ZBTB38: variants seen among roughly 807,000 people sequenced by gnomAD.
ZBTB38 encodes the protein zinc finger and BTB domain-containing protein 38.
In ZBTB38, 20 loss-of-function variants were observed where a neutral mutation model predicts 76.8. That is an observed-to-expected ratio of 0.26 (90% CI 0.18 to 0.38). ZBTB38 has a LOEUF of 0.38. ZBTB38 is among the 10% of genes least tolerant of loss of function. The pLI, the probability that ZBTB38 is intolerant of heterozygous loss-of-function variation, is 1.00. For synonymous variants in ZBTB38, 504 were observed against 544.2 expected (o/e 0.93, Z 1.03); for missense variants, 1,082 against 1,482.3 (o/e 0.73, Z 4.43).
chr3:141,326,547 T>G (rs538317893), intron 1 of ZBTB38, among the ~76,000 whole-genome samples: 2 of 152,348 alleles, frequency 1.3e-5, no homozygotes, highest in Admixed American at 1.3e-4. Flanking sequence ...GTACTATGTT[T>G]CCTAACTCAC....
chr3:141,344,089 C>T (rs1943271427), intron 1 of ZBTB38, among the ~76,000 whole-genome samples: 1 of 152,198 alleles, frequency 6.6e-6, no homozygotes, highest in Non-Finnish European at 1.5e-5. Context: ...GACAGGAGAC[C>T]TCCAACTGTG....
intron 1 of ZBTB38, among the ~76,000 whole-genome samples, chr3:141,339,563 T>C (rs768366543): frequency 7.2e-5 from 11 of 152,172 alleles, no homozygotes; most frequent in Non-Finnish European, 1.3e-4. Context: ...AATTTGTGTG[T>C]GTTTCGAAGG....
chr3:141,356,567 A>ACATCT (rs2148947527), intron 1 of ZBTB38, among the ~76,000 whole-genome samples: 1 of 152,252 alleles, frequency 6.6e-6, no homozygotes, highest in South Asian at 2.1e-4. Flanking sequence ...CAGGGAAACA[A>ACATCT]AACACATTGA....
chr3:141,328,785 C>T (rs992227764), intron 1 of ZBTB38, among the ~76,000 whole-genome samples: 1 of 152,156 alleles, frequency 6.6e-6, no homozygotes, highest in Non-Finnish European at 1.5e-5. Flanking sequence ...CCCTTCTTTC[C>T]CCTCTTGTCA....
chr3:141,355,134 A>G (rs1943623403), intron 1 of ZBTB38, among the ~76,000 whole-genome samples: 1 of 152,120 alleles, frequency 6.6e-6, no homozygotes, highest in Admixed American at 6.6e-5. Context: ...CTCTCCTCAA[A>G]GTACAAGCAC....
chr3:141,409,546 A>C (rs542180640), intron 5 of ZBTB38, among the ~76,000 whole-genome samples: 1 of 152,338 alleles, frequency 6.6e-6, no homozygotes, highest in African/African-American at 2.4e-5. Flanking sequence ...AATGGAGCAG[A>C]GATAATGTGC....
intron 5 of ZBTB38, among the ~76,000 whole-genome samples, chr3:141,411,348 A>G (rs1003653822): frequency 1.1e-4 from 17 of 152,320 alleles, no homozygotes; most frequent in East Asian, 3.9e-4. Flanking sequence ...TCCCTGCTTA[A>G]ACCTATTTAG....
At chr3:141,416,670 C>A (rs1232330982) in intron 5 of ZBTB38, among the ~76,000 whole-genome samples, 1 of 152,186 alleles carries the variant, frequency 6.6e-6, no homozygotes. Context: ...AGGGTCTTCA[C>A]AGATGTAATT....
rs376715153 is a variant in ZBTB38 at position 141,445,103 on chromosome 3, C to T, written c.2715C>T (p.Asp905=). The part of the protein sequence containing the change: ...ECMEMSEVFD[D]ASDQDSTDKP... ...TGGAGATGAGTGAAGTGTTCGATGA[C>T]GCAAGTGACCAGGATTCCACTGACA... Residue 905 remains aspartate (D), a synonymous_variant, in exon 6 of 6, where the codon GAC becomes GAT. Coordinates refer to ENST00000321464, the MANE Select transcript of ZBTB38 (RefSeq NM_001376113.1). This position sits in a 1 kb window ranked among gnomAD's most constrained non-coding sequence, Gnocchi z 6.5. 9.9e-6 allele frequency: 16 copies of T among 1,613,992 alleles called. No individual in the cohort carries two copies. Among genetic ancestry groups the T allele is most frequent in the Middle Eastern group, 1.6e-4 (1 of 6,084 alleles).
At chr3:141,369,393 T>G (rs1944213584) in intron 1 of ZBTB38, among the ~76,000 whole-genome samples, 1 of 152,250 alleles carries the variant, frequency 6.6e-6, no homozygotes, top group African/African-American at 2.4e-5. Flanking sequence ...CATTCCTACT[T>G]GTGCCATCGT....
intron 1 of ZBTB38, among the ~76,000 whole-genome samples, chr3:141,349,812 C>T (rs1332878230): frequency 1.3e-5 from 2 of 151,458 alleles, no homozygotes; most frequent in Non-Finnish European, 2.9e-5. Flanking sequence ...AGATGAGAAA[C>T]AGAAGGGAAG....
At position 141,444,653 on chromosome 3, in the gene ZBTB38, T is replaced by C. The variant is rs138136032; in HGVS notation, c.2265T>C (p.Asp755=). 707 of 1,614,066 alleles carry C rather than the reference T, an allele frequency of 4.4e-4. 1 individual carries two copies. Among genetic ancestry groups the C allele is most frequent in the Non-Finnish European group, 5.3e-4 (623 of 1,180,010 alleles). Residue 755 remains aspartate (D), a synonymous_variant, in exon 6 of 6, where the codon GAT becomes GAC. Coordinates refer to ENST00000321464, the MANE Select transcript of ZBTB38 (RefSeq NM_001376113.1). This position sits in a 1 kb window ranked among gnomAD's most constrained non-coding sequence, Gnocchi z 5.1. The part of the protein sequence containing the change: ...SDPAVSQSLK[D]DSKPEPDKVG... ...CAGCTGTCAGTCAGTCCCTGAAAGA[T>C]GACAGTAAGCCCGAGCCAGATAAAG...
At chr3:141,374,881 T>C (rs1375944871) in intron 2 of ZBTB38, among the ~76,000 whole-genome samples, 1 of 152,218 alleles carries the variant, frequency 6.6e-6, no homozygotes, top group African/African-American at 2.4e-5. Context: ...CCTAGAAAGG[T>C]ACGAATGTCT....
intron 5 of ZBTB38, among the ~76,000 whole-genome samples, chr3:141,416,061 C>T (rs934479124): frequency 6.6e-6 from 1 of 152,110 alleles, no homozygotes; most frequent in African/African-American, 2.4e-5. Flanking sequence ...GGAGGTGTAG[C>T]TGAACTTCTT....
chr3:141,359,089 C>T (rs1196878189), intron 1 of ZBTB38, among the ~76,000 whole-genome samples: 3 of 152,208 alleles, frequency 2.0e-5, no homozygotes, highest in Non-Finnish European at 2.9e-5. Context: ...GACATATTAT[C>T]TTACTAACAG....
intron 1 of ZBTB38, among the ~76,000 whole-genome samples, chr3:141,329,834 A>C (rs113062189): frequency 6.6e-5 from 10 of 152,132 alleles, no homozygotes; most frequent in African/African-American, 2.4e-4. Context: ...GGAATAGAAA[A>C]ATAATGAAGG....
chr3:141,331,242 T>C (rs1249228638), intron 1 of ZBTB38, among the ~76,000 whole-genome samples: 3 of 152,206 alleles, frequency 2.0e-5, no homozygotes, highest in African/African-American at 4.8e-5. Flanking sequence ...ACGTGTACCT[T>C]ATGGAATAAC....
intron 1 of ZBTB38, among the ~76,000 whole-genome samples, chr3:141,333,094 A>G (rs1480600156): frequency 6.6e-6 from 1 of 152,178 alleles, no homozygotes; most frequent in East Asian, 1.9e-4. Flanking sequence ...GAGTTCTACA[A>G]GGGGTTGGAG....
chr3:141,437,013 T>A (rs1232225606), intron 5 of ZBTB38, among the ~76,000 whole-genome samples: 1 of 152,176 alleles, frequency 6.6e-6, no homozygotes, highest in Non-Finnish European at 1.5e-5. Flanking sequence ...CTTTCTGAGA[T>A]CATCCAATGA....
Sources: gnomAD v4.1 joint callset for allele counts (sites outside exome capture counted in the v4.1 genomes callset) on GRCh38, gnomAD v4.1.1 for gene constraint, Gnocchi (gnomAD v3.1) non-coding constraint, MANE v1.5 for transcripts, NCBI Gene and HGNC (gene_info 2026-07-23, HGNC 2026-07-21) for gene names.